The following SLC15A1 variants were observed in gnomAD, a reference collection of about 807,000 sequenced individuals.
SLC15A1 encodes solute carrier family 15 member 1, also known as Caco-2 oligopeptide transporter.
SLC15A1 carries 83 observed loss-of-function variants against 92.9 expected under a neutral mutation model. The observed-to-expected ratio is 0.89, with a 90% confidence interval of 0.75 to 1.07. The LOEUF is 1.07. Ranked by LOEUF, SLC15A1 falls within the 50% of genes least tolerant of loss-of-function variation. The pLI is 0.00. For missense variants in SLC15A1, 857 were observed against 880.1 expected, an observed-to-expected ratio of 0.97 and a Z score of 0.33; for synonymous variants, 322 against 318.2, an observed-to-expected ratio of 1.01 and a Z score of -0.13.
At chr13:98,706,740 A>G (rs1197674949) in intron 15 of SLC15A1, among the ~76,000 whole-genome samples, 1 of 152,156 alleles carries the variant, frequency 6.6e-6, no homozygotes, top group Admixed American at 6.5e-5. Context: ...GAGTCCATTA[A>G]ATCTCTTTTT....
At chr13:98,748,096 G>A (rs1046636710) in intron 1 of SLC15A1, among the ~76,000 whole-genome samples, 8 of 152,050 alleles carry the variant, frequency 5.3e-5, no homozygotes, top group Admixed American at 1.3e-4. Context: ...ACTCTAACTC[G>A]GAGTGGAAGA....
At position 98,706,153 on chromosome 13, in the gene SLC15A1, G is replaced by A; in HGVS notation, c.1250C>T (p.Thr417Ile). The stretch of plus-strand genomic sequence containing the variant: ...ACTTACTTGAGACATTGGGCCAAGT[G>A]TCACCATCTCTCCAGGAAGAGATAT... ...MNISLPGEMV[T>I]LGPMSQTNAF... The change falls in exon 16 of 23, where the codon ACA (threonine) becomes ATA (isoleucine). Residue 417 changes from threonine to isoleucine, a missense_variant. Thr to Ile is a moderately conservative substitution (Grantham distance 89, BLOSUM62 -1). Transcript: ENST00000376503. 2 of 1,611,886 alleles carry A rather than the reference G, an allele frequency of 1.2e-6. No homozygotes were observed. The highest frequency in any genetic ancestry group is 1.7e-6 in the Non-Finnish European group (2 of 1,179,538).
chr13:98,685,264 GA>G (rs2087920851), intron 22 of SLC15A1, among the ~76,000 whole-genome samples: 1 of 152,138 alleles, frequency 6.6e-6, no homozygotes. Flanking sequence ...CCCCACAAGG[GA>G]AAAATGAATA....
intron 14 of SLC15A1, 26 bp from the exon 15 acceptor site, chr13:98,708,793 C>G (rs747120579): frequency 7.6e-6 from 12 of 1,583,726 alleles, no homozygotes; most frequent in Non-Finnish European, 8.6e-6. Flanking sequence ...AAGAGTGACT[C>G]TCAACCAGTT....
intron 7 of SLC15A1, chr13:98,721,011 C>G (rs2088252880): frequency 9.9e-6 from 4 of 405,166 alleles, no homozygotes; most frequent in South Asian, 7.3e-5. Flanking sequence ...AAGATCACGC[C>G]ACTGCGCTCC....
In SLC15A1 at chr13:98,709,576, A is replaced by G. The variant is rs1387229718; in HGVS notation, c.1063T>C (p.Phe355Leu). ...CCCAACCCACCCGTCACCTACGTGA[A>G]ATTGAAGCCACATTTTGCAATGAGA... ...YPLIAKCGFN[F>L]TSLKKMAVGM... is the part of the protein sequence containing the mutation. Residue 355 changes from phenylalanine (F) to leucine (L), a missense_variant, in exon 14 of 23, where the codon TTC (phenylalanine) becomes CTC (leucine). Transcript: ENST00000376503. 6.2e-7 allele frequency: 1 copy of G among 1,613,998 alleles called. No individual in the cohort carries two copies. The highest frequency in any genetic ancestry group is 8.5e-7 in the Non-Finnish European group (1 of 1,180,020).
At chr13:98,739,463 G>C (rs2088422540) in intron 1 of SLC15A1, among the ~76,000 whole-genome samples, 1 of 152,056 alleles carries the variant, frequency 6.6e-6, no homozygotes, top group Non-Finnish European at 1.5e-5. Context: ...TGGATCATGG[G>C]GACAGTTTCT....
At position 98,718,300 on chromosome 13, in the gene SLC15A1, C is replaced by CTTTTTTTTTT. The variant is rs532286337; in HGVS notation, c.640+927_640+936dup. Among the ~76,000 whole-genome samples the CTTTTTTTTTT allele has an allele frequency of 1.8e-4, 15 of 84,134 alleles. 2 individuals are homozygous for CTTTTTTTTTT. The highest frequency in any genetic ancestry group is 7.5e-4 in the African/African-American group (11 of 14,648). 55.2% of individuals were successfully genotyped at this position (84,134 alleles called of 152,430 possible). A position where few individuals can be genotyped will look rare whatever the true frequency, so the allele number is the denominator to read the frequency against. On this transcript the variant is annotated intron_variant, in intron 8 of 22. Transcript: ENST00000376503. ...ATCCAGCAGATTCTATCACCTTCAT[C>CTTTTTTTTTT]TTTTTTTTTTTTTTTTTTTTTTTTT... is the stretch of plus-strand genomic sequence containing the variant.
chr13:98,696,142 G>A (rs1388241508), intron 18 of SLC15A1, among the ~76,000 whole-genome samples: 2 of 151,462 alleles, frequency 1.3e-5, no homozygotes, highest in Non-Finnish European at 2.9e-5. Flanking sequence ...GACTGGGCAC[G>A]GTGGCTCGCA....
At chr13:98,723,046 G>C (rs905421121) in intron 5 of SLC15A1, among the ~76,000 whole-genome samples, 1 of 152,154 alleles carries the variant, frequency 6.6e-6, no homozygotes, top group Non-Finnish European at 1.5e-5. Context: ...ACACAACTAG[G>C]AAAGGGCACA....
rs1039638736 is a variant in SLC15A1, at chr13:98,737,888, G to C, written c.5-11029C>G. ...GAACTTCTTAGAAACTGTCTAAATGGTTGTGATCAAAATGCAAATAGTGAC... is the reference window on the plus strand; with the variant it reads ...GAACTTCTTAGAAACTGTCTAAATGCTTGTGATCAAAATGCAAATAGTGAC... On this transcript the variant is annotated intron_variant, in intron 1 of 22. Transcript: ENST00000376503. 2.1e-4 allele frequency among the ~76,000 whole-genome samples: 32 copies of C among 152,206 alleles called. 1 individual carries two copies. The highest frequency in any genetic ancestry group is 1.9e-3 in the Admixed American group (29 of 15,282).
intron 18 of SLC15A1, among the ~76,000 whole-genome samples, chr13:98,689,521 A>T (rs190650795): frequency 1.3e-5 from 2 of 152,260 alleles, no homozygotes; most frequent in Non-Finnish European, 1.5e-5. Flanking sequence ...TCACAGTTCA[A>T]TGCAGCCTCG....
rs557270502 is a variant in SLC15A1 at position 98,687,730 on chromosome 13, G to T, written c.1684-6C>A. The T allele has an allele frequency of 5.6e-6, 9 of 1,611,196 alleles. No homozygotes were observed. In the East Asian group the frequency reaches 2.0e-4, roughly 36 times the overall value. On this transcript the variant is annotated splice_region_variant and splice_polypyrimidine_tract_variant and intron_variant, in intron 20 of 22. Coordinates refer to ENST00000376503, the MANE Select transcript of SLC15A1 (RefSeq NM_005073.4). ...ACTTCAGGGCAGCTGTCATTCTGCA[G>T]CAGTAAGGCAAAAGCAGAAGAAGTT...
intron 5 of SLC15A1, among the ~76,000 whole-genome samples, chr13:98,723,345 G>A (rs2088274775): frequency 6.6e-6 from 1 of 152,148 alleles, no homozygotes; most frequent in Non-Finnish European, 1.5e-5. Flanking sequence ...TATAGATCAA[G>A]GAACTGAAGC....
At chr13:98,720,939 C>T in intron 7 of SLC15A1, 2 of 356,738 alleles carry the variant, frequency 5.6e-6, no homozygotes, top group South Asian at 2.2e-5. Context: ...GTTGTCCCAG[C>T]TACTCAGGAG....
At chr13:98,742,255 C>T (rs1341261373) in intron 1 of SLC15A1, among the ~76,000 whole-genome samples, 2 of 152,216 alleles carry the variant, frequency 1.3e-5, no homozygotes, top group African/African-American at 2.4e-5. Context: ...AGCCTGGCCC[C>T]GGCTCCTTGG....
In SLC15A1 at chr13:98,726,874, GA is replaced by G; in HGVS notation, c.5-16del. 6.2e-7 allele frequency: 1 copy of G among 1,612,914 alleles called. No homozygotes were observed. The highest frequency in any genetic ancestry group is 8.5e-7 in the Non-Finnish European group (1 of 1,178,886). On this transcript the variant is annotated splice_polypyrimidine_tract_variant and intron_variant, in intron 1 of 22. Coordinates refer to ENST00000376503, the MANE Select transcript of SLC15A1 (RefSeq NM_005073.4). The stretch of plus-strand genomic sequence containing the variant: ...TTTGGACATTCCTAAAAGAAAAACA[GA>G]ATCCCAATATTAAAGTCAAGCCATT...
At chr13:98,698,422 G>A (rs1407015977) in intron 18 of SLC15A1, among the ~76,000 whole-genome samples, 1 of 152,116 alleles carries the variant, frequency 6.6e-6, no homozygotes, top group African/African-American at 2.4e-5. Flanking sequence ...GTATTAGTAA[G>A]TTGTTTTTTG....
intron 1 of SLC15A1, among the ~76,000 whole-genome samples, chr13:98,728,545 T>C (rs2088320821): frequency 6.6e-6 from 1 of 152,168 alleles, no homozygotes. Flanking sequence ...GAATGGTGGT[T>C]ACCAGAGGAT....
Sources: allele counts gnomAD v4.1 joint callset (sites outside exome capture counted in the v4.1 genomes callset), GRCh38; gene constraint gnomAD v4.1.1; transcripts MANE v1.5; gene names NCBI Gene and HGNC (gene_info 2026-07-23, HGNC 2026-07-21).